The following RXFP2 variants were observed in gnomAD, a reference collection of about 807,000 sequenced individuals.
RXFP2 encodes relaxin family peptide receptor 2.
Under a neutral mutation model 88.6 loss-of-function variants are expected in RXFP2, and 68 were observed. The observed-to-expected ratio is 0.77, with a 90% CI of 0.63 to 0.94. The LOEUF (loss-of-function observed/expected upper bound fraction) is 0.94. RXFP2 is among the 40% of genes least tolerant of loss of function. The pLI is 0.00. For missense variants in RXFP2, 791 were observed against 893.9 expected (o/e 0.88, Z 1.47); for synonymous variants, 329 against 306.8 (o/e 1.07, Z -0.76).
chr13:31,777,583 C>T, intron 8 of RXFP2, 136 bp downstream of exon 8: 1 of 669,570 alleles, frequency 1.5e-6, no homozygotes, highest in Non-Finnish European at 2.7e-6. Context: ...GTGTTTCCAG[C>T]CACAGTTACT....
intron 17 of RXFP2, among the ~76,000 whole-genome samples, chr13:31,801,336 G>C (rs1489018569): frequency 6.6e-6 from 1 of 151,914 alleles, no homozygotes; most frequent in Non-Finnish European, 1.5e-5. Flanking sequence ...GCTGACTCTG[G>C]CCCAGCCCGC....
chr13:31,766,534 A>G (rs1299768025), intron 5 of RXFP2, among the ~76,000 whole-genome samples: 1 of 152,200 alleles, frequency 6.6e-6, no homozygotes, highest in East Asian at 1.9e-4. Context: ...CAGAGAAGGT[A>G]TTCTGTGACA....
At chr13:31,747,466 A>G (rs1242839504) in intron 1 of RXFP2, among the ~76,000 whole-genome samples, 2 of 152,246 alleles carry the variant, frequency 1.3e-5, no homozygotes, top group East Asian at 3.8e-4. Flanking sequence ...CATCATCAGC[A>G]GATGTATGCC....
chr13:31,756,285 G>A (rs1023322795), intron 1 of RXFP2, among the ~76,000 whole-genome samples: 7 of 152,166 alleles, frequency 4.6e-5, no homozygotes, highest in Non-Finnish European at 7.3e-5. Flanking sequence ...CAAAGTAGAC[G>A]TGCCTTCGTG....
At position 31,792,798 on chromosome 13, in the gene RXFP2, G is replaced by T. The variant is rs571102655; in HGVS notation, c.1496G>T (p.Gly499Val). ...GAGAGCGTGCAGTGCCGCCTCATGG[G>T]GTTCCTGGCCATGCTGTCCACCGAA... ...WMESVQCRLM[G>V]FLAMLSTEVS... The change falls in exon 16 of 18, where the codon GGG becomes GTG. Residue 499 changes from glycine to valine, a missense_variant. Physicochemically the swap from Gly to Val is moderately radical, Grantham distance 109. Coordinates refer to ENST00000298386, the MANE Select transcript of RXFP2 (RefSeq NM_130806.5). 2 of 1,613,956 alleles carry T rather than the reference G, an allele frequency of 1.2e-6. No individual in the cohort carries two copies. Among genetic ancestry groups the T allele is most frequent in the Non-Finnish European group, 1.7e-6 (2 of 1,180,020 alleles).
In RXFP2 at chr13:31,758,933, A is replaced by T. The variant is rs1289382246; in HGVS notation, c.241+529A>T. Among the ~76,000 whole-genome samples the T allele has an allele frequency of 2.0e-5, 3 of 152,060 alleles. No individual in the cohort carries two copies. In the East Asian group the frequency reaches 5.8e-4, roughly 29 times the overall value. ...CGTGGTGACAGGTGCCTGTAATCCCAGCTACTCGGGAGGCTGAGGCAGGAG... is the reference window on the plus strand; with the variant it reads ...CGTGGTGACAGGTGCCTGTAATCCCTGCTACTCGGGAGGCTGAGGCAGGAG... On this transcript the variant is annotated intron_variant, in intron 2 of 17. Transcript: ENST00000298386.
intron 5 of RXFP2, among the ~76,000 whole-genome samples, chr13:31,770,991 C>T (rs1872716872): frequency 6.6e-6 from 1 of 152,050 alleles, no homozygotes; most frequent in Non-Finnish European, 1.5e-5. Flanking sequence ...CAGAAATACT[C>T]AAAGGATGTT....
At chr13:31,775,290 C>T (rs1009763429) in intron 6 of RXFP2, 28 bp from the exon 7 acceptor site, 24 of 1,556,480 alleles carry the variant, frequency 1.5e-5, no homozygotes, top group Non-Finnish European at 2.0e-5. Flanking sequence ...TTGAGTTTGC[C>T]TAATTAACTC....
At chr13:31,744,786 G>A (rs529466928) in intron 1 of RXFP2, among the ~76,000 whole-genome samples, 30 of 151,554 alleles carry the variant, frequency 2.0e-4, no homozygotes, top group Admixed American at 5.9e-4. Context: ...GTCTGTTTGG[G>A]GTTTTATAAA....
chr13:31,741,578 C>T (rs61954087), intron 1 of RXFP2, among the ~76,000 whole-genome samples: 10,608 of 152,142 alleles, frequency 0.07, 513 homozygotes, highest in Middle Eastern at 0.11. Flanking sequence ...GTGATAGACT[C>T]TTAGGCCAGA....
intron 5 of RXFP2, among the ~76,000 whole-genome samples, chr13:31,769,130 G>A (rs1872649338): frequency 6.6e-6 from 1 of 152,144 alleles, no homozygotes; most frequent in Non-Finnish European, 1.5e-5. Context: ...AATTAAGCTT[G>A]TGGAGCTTAA....
rs1566227719 is a variant in RXFP2 at position 31,776,081 on chromosome 13, C to CTTTCT, written c.641+694_641+695insTCTTT. Among the ~76,000 whole-genome samples the CTTTCT allele has an allele frequency of 1.4e-3, 148 of 104,638 alleles. 2 individuals carry two copies. The highest frequency in any genetic ancestry group is 4.5e-3 in the African/African-American group (130 of 29,118). 68.6% of individuals were successfully genotyped at this position (104,638 alleles called of 152,430 possible). On this transcript the variant is annotated intron_variant, in intron 7 of 17. Coordinates refer to ENST00000298386, the MANE Select transcript of RXFP2 (RefSeq NM_130806.5). Reference sequence around the variant, plus strand: ...TTCTTCTTCTTTCTTTCTTTCTTTCCTTCCTTCTTTCTTTCTTTTCTTTTC... The same window carrying CTTTCT: ...TTCTTCTTCTTTCTTTCTTTCTTTCCTTTCTTTCCTTCTTTCTTTCTTTTCTTTTC...
intron 14 of RXFP2, among the ~76,000 whole-genome samples, chr13:31,789,732 CTG>C (rs1385026231): frequency 2.3e-4 from 35 of 152,288 alleles, no homozygotes; most frequent in South Asian, 6.2e-4. Flanking sequence ...TCTTTATCAA[CTG>C]TGTAATCTAT....
At chr13:31,752,972 C>A (rs778237609) in intron 1 of RXFP2, among the ~76,000 whole-genome samples, 3 of 152,180 alleles carry the variant, frequency 2.0e-5, no homozygotes, top group Non-Finnish European at 4.4e-5. Flanking sequence ...CAAGGCTTGC[C>A]GGCAATTTCT....
At chr13:31,796,241 G>A (rs181598104) in intron 16 of RXFP2, among the ~76,000 whole-genome samples, 2 of 149,972 alleles carry the variant, frequency 1.3e-5, no homozygotes, top group Non-Finnish European at 3.0e-5. Flanking sequence ...AGTAGAGACG[G>A]GGTTTCACCT....
At chr13:31,781,557 A>G (rs1873274767) in intron 9 of RXFP2, 114 bp from the exon 10 acceptor site, 3 of 582,906 alleles carry the variant, frequency 5.1e-6, no homozygotes, top group African/African-American at 9.7e-5. Context: ...AGGAGGAAAG[A>G]TAGTAACAAC....
chr13:31,764,416 A>C (rs1872456535), intron 3 of RXFP2, among the ~76,000 whole-genome samples: 1 of 151,492 alleles, frequency 6.6e-6, no homozygotes, highest in Admixed American at 6.6e-5. Flanking sequence ...TTTCTTCTGA[A>C]TGCTTCAGAT....
intron 3 of RXFP2, among the ~76,000 whole-genome samples, chr13:31,763,821 T>C (rs1307169398): frequency 1.3e-5 from 2 of 152,302 alleles, no homozygotes; most frequent in Admixed American, 6.5e-5. Flanking sequence ...ATAACCACTA[T>C]TTCAATGGTG....
chr13:31,764,124 C>G (rs1407328927), intron 3 of RXFP2, among the ~76,000 whole-genome samples: 1 of 152,084 alleles, frequency 6.6e-6, no homozygotes, highest in East Asian at 1.9e-4. Context: ...CTCTCACATT[C>G]TTAGCTCTAT....
Sources: allele counts gnomAD v4.1 joint callset (sites outside exome capture counted in the v4.1 genomes callset), GRCh38; gene constraint gnomAD v4.1.1; transcripts MANE v1.5; gene names NCBI Gene and HGNC (gene_info 2026-07-23, HGNC 2026-07-21).